CEP350: variants seen among roughly 807,000 people sequenced by gnomAD.
CEP350 encodes the protein centrosome-associated protein 350.
A neutral mutation model predicts 331.8 loss-of-function variants in CEP350; 126 were observed. The ratio of observed to expected loss-of-function variants is 0.38; its 90% CI spans 0.33 to 0.44. The LOEUF (loss-of-function observed/expected upper bound fraction) is 0.44. Among genes scored for constraint, CEP350 ranks in the 20% least tolerant of loss-of-function variants. The probability of loss-of-function intolerance (pLI) is 1.00; values close to 1 mark genes in which losing one functional copy is unlikely to be tolerated. For missense variants in CEP350, 3,406 were observed against 3,634.6 expected (o/e 0.94, Z 1.62); for synonymous variants, 1,200 against 1,259.5 (o/e 0.95, Z 1.00).
chr1:180,104,033 A>G (rs1661003697), intron 37 of CEP350, among the ~76,000 whole-genome samples: 1 of 146,496 alleles, frequency 6.8e-6, no homozygotes, highest in Admixed American at 6.8e-5. Flanking sequence ...TTTAAAATAT[A>G]TACAAAATAT....
chr1:179,981,990 A>C (rs1374523021), intron 1 of CEP350, among the ~76,000 whole-genome samples: 1 of 152,152 alleles, frequency 6.6e-6, no homozygotes, highest in African/African-American at 2.4e-5. Flanking sequence ...ACAGAGTGAC[A>C]CCTTGTCTCT....
chr1:180,024,776 A>G (rs1184305682), intron 14 of CEP350, among the ~76,000 whole-genome samples, 194 bp downstream of exon 14: 1 of 152,178 alleles, frequency 6.6e-6, no homozygotes, highest in African/African-American at 2.4e-5. Flanking sequence ...TACAAAAGGA[A>G]TACATTTGCA....
At chr1:180,068,269 A>G (rs1050518981) in intron 27 of CEP350, among the ~76,000 whole-genome samples, 2 of 152,190 alleles carry the variant, frequency 1.3e-5, no homozygotes, top group Non-Finnish European at 2.9e-5. Flanking sequence ...CATATGTTAT[A>G]TTCCTAACAT....
intron 30 of CEP350, among the ~76,000 whole-genome samples, chr1:180,081,261 A>G (rs2149086734): frequency 6.6e-6 from 1 of 152,132 alleles, no homozygotes; most frequent in Non-Finnish European, 1.5e-5. Context: ...TTTTTTTGGT[A>G]ATTAATTATG....
chr1:180,114,719 G>A lies in CEP350; in HGVS notation c.*3558G>A, dbSNP rs1436003410. The A allele has an allele frequency of 2.6e-5, 4 of 152,594 alleles. No homozygotes were observed. Among genetic ancestry groups the A allele is most frequent in the South Asian group, 4.1e-4 (2 of 4,834 alleles). 9.5% of individuals were successfully genotyped at this position (152,594 alleles called of 1,614,324 possible). A position where few individuals can be genotyped will look rare whatever the true frequency, so the allele number is the denominator to read the frequency against. On this transcript the variant is annotated 3_prime_UTR_variant, in exon 38 of 38. Coordinates refer to ENST00000367607, the MANE Select transcript of CEP350 (RefSeq NM_014810.5). ...CATTTTCAGCCAATAGTCACATCCA[G>A]TGCAATTTTGCACCGAACACTTAAG... is the stretch of plus-strand genomic sequence containing the variant.
chr1:180,099,114 C>G, intron 37 of CEP350, 129 bp downstream of exon 37: 1 of 901,708 alleles, frequency 1.1e-6, no homozygotes, highest in East Asian at 2.7e-5. Flanking sequence ...AAAGCCTTTA[C>G]TTGCTGCATT....
At chr1:179,985,348 GAAT>G (rs773163232) in intron 1 of CEP350, among the ~76,000 whole-genome samples, 5 of 152,090 alleles carry the variant, frequency 3.3e-5, no homozygotes, top group Non-Finnish European at 7.4e-5. Flanking sequence ...TTTTAAGGCT[GAAT>G]AATATTCTAT....
chr1:179,960,567 A>G (rs1308044454), intron 1 of CEP350, among the ~76,000 whole-genome samples: 4 of 152,146 alleles, frequency 2.6e-5, no homozygotes, highest in Non-Finnish European at 5.9e-5. Context: ...GAGATACCAC[A>G]CAAGAGATTG....
intron 11 of CEP350, among the ~76,000 whole-genome samples, chr1:180,017,721 T>TAA (rs1655063026): frequency 1.3e-5 from 2 of 152,220 alleles, no homozygotes; most frequent in Non-Finnish European, 2.9e-5. Context: ...ACTTTATGTT[T>TAA]AAAAGCATGT....
intron 7 of CEP350, among the ~76,000 whole-genome samples, chr1:180,003,591 C>G (rs2501613): frequency 6.6e-6 from 1 of 151,910 alleles, no homozygotes; most frequent in Non-Finnish European, 1.5e-5. Context: ...TTTACTTCTG[C>G]TTAGGCCTCT....
intron 28 of CEP350, among the ~76,000 whole-genome samples, chr1:180,075,460 C>T (rs1469023781): frequency 2.0e-5 from 3 of 151,848 alleles, no homozygotes; most frequent in East Asian, 3.9e-4. Context: ...GTGGTACATG[C>T]CTATAGTCCT....
chr1:180,013,250 A>T (rs1398361809), intron 9 of CEP350, among the ~76,000 whole-genome samples: 1 of 152,192 alleles, frequency 6.6e-6, no homozygotes. Flanking sequence ...ATAAAGTTTC[A>T]GAAATCCTTT....
At chr1:180,038,432 A>G (rs578083177) in intron 17 of CEP350, among the ~76,000 whole-genome samples, 1 of 152,318 alleles carries the variant, frequency 6.6e-6, no homozygotes, top group East Asian at 1.9e-4. Flanking sequence ...TGCTTGGGTC[A>G]AGTATATGAA....
At chr1:180,063,059 A>G (rs940187930) in intron 26 of CEP350, among the ~76,000 whole-genome samples, 1 of 152,184 alleles carries the variant, frequency 6.6e-6, no homozygotes, top group Non-Finnish European at 1.5e-5. Flanking sequence ...TTATCAATCC[A>G]AACAAATTCT....
intron 32 of CEP350, among the ~76,000 whole-genome samples, chr1:180,089,275 G>C (rs1660032871): frequency 6.6e-6 from 1 of 152,084 alleles, no homozygotes; most frequent in Non-Finnish European, 1.5e-5. Flanking sequence ...ACATATTTTA[G>C]GATAGTGAAG....
At chr1:179,969,412 G>A (rs1651265532) in intron 1 of CEP350, 1 of 510,308 alleles carries the variant, frequency 2.0e-6, no homozygotes, top group African/African-American at 1.9e-5. Flanking sequence ...TGCCTATTCA[G>A]CAGTTTCCTA....
intron 1 of CEP350, among the ~76,000 whole-genome samples, chr1:179,973,486 A>G (rs1446707960): frequency 6.6e-6 from 1 of 152,150 alleles, no homozygotes; most frequent in South Asian, 2.1e-4. Flanking sequence ...GTATCCAGTA[A>G]CGTTTATATG....
intron 22 of CEP350, among the ~76,000 whole-genome samples, chr1:180,050,599 G>A (rs1373798370): frequency 6.6e-6 from 1 of 150,436 alleles, no homozygotes; most frequent in Non-Finnish European, 1.5e-5. Flanking sequence ...GGAGGTGGAG[G>A]TTGCAGGGAG....
intron 1 of CEP350, among the ~76,000 whole-genome samples, chr1:179,962,651 GC>G (rs1650721632): frequency 6.6e-6 from 1 of 152,056 alleles, no homozygotes; most frequent in South Asian, 2.1e-4. Context: ...CTCATGATCT[GC>G]CCACCTCGGC....
Sources: allele counts gnomAD v4.1 joint callset (sites outside exome capture counted in the v4.1 genomes callset), GRCh38; gene constraint gnomAD v4.1.1; transcripts MANE v1.5; gene names NCBI Gene and HGNC (gene_info 2026-07-23, HGNC 2026-07-21).